The following CCDC91 variants were observed in gnomAD, a reference collection of about 807,000 sequenced individuals.
The protein encoded by CCDC91 is coiled-coil domain-containing protein 91.
Under a neutral mutation model 63.2 loss-of-function variants are expected in CCDC91, and 48 were observed. The observed-to-expected ratio is 0.76, with a 90% CI of 0.60 to 0.97. The LOEUF is 0.97. Ranked by LOEUF, CCDC91 falls within the 50% of genes least tolerant of loss-of-function variation. The pLI, the probability that CCDC91 is intolerant of heterozygous loss-of-function variation, is 0.00. For missense variants in CCDC91, 500 were observed against 494.6 expected, an observed-to-expected ratio of 1.01 and a Z score of -0.10; for synonymous variants, 167 against 165.8, an observed-to-expected ratio of 1.01 and a Z score of -0.06.
intron 8 of CCDC91, among the ~76,000 whole-genome samples, chr12:28,431,454 A>C (rs1320463950): frequency 6.6e-6 from 1 of 152,110 alleles, no homozygotes; most frequent in Non-Finnish European, 1.5e-5. Context: ...GTTATTTTGT[A>C]GTGATGTCTA....
At chr12:28,461,645 T>G (rs1592739133) in intron 11 of CCDC91, among the ~76,000 whole-genome samples, 1 of 152,162 alleles carries the variant, frequency 6.6e-6, no homozygotes, top group South Asian at 2.1e-4. Context: ...ACCTGACCAT[T>G]TTGTTAACTT....
chr12:28,375,916 A>G (rs947336629), intron 7 of CCDC91, among the ~76,000 whole-genome samples: 4 of 151,898 alleles, frequency 2.6e-5, no homozygotes, highest in Admixed American at 6.6e-5. Context: ...GAACTGTATT[A>G]GCATGATCCT....
chr12:28,443,028 C>T (rs1210882667), intron 8 of CCDC91, among the ~76,000 whole-genome samples: 4 of 151,828 alleles, frequency 2.6e-5, no homozygotes, highest in Admixed American at 6.6e-5. Flanking sequence ...TATGTTATGA[C>T]GGCTCACAGC....
chr12:28,409,559 A>C (rs1947186886), intron 8 of CCDC91, among the ~76,000 whole-genome samples: 1 of 152,002 alleles, frequency 6.6e-6, no homozygotes, highest in Non-Finnish European at 1.5e-5. Flanking sequence ...ATTTCTTCTG[A>C]AACCTTTATT....
chr12:28,342,430 A>C (rs1942496450), intron 6 of CCDC91, among the ~76,000 whole-genome samples: 1 of 152,190 alleles, frequency 6.6e-6, no homozygotes, highest in African/African-American at 2.4e-5. Flanking sequence ...GTTGTGGCAT[A>C]GTGGTGGGGA....
intron 3 of CCDC91, among the ~76,000 whole-genome samples, chr12:28,297,807 G>C (rs1414582188): frequency 2.0e-5 from 3 of 151,768 alleles, no homozygotes; most frequent in Admixed American, 2.0e-4. Flanking sequence ...TTGACTAAGT[G>C]AGAAGATATT....
At chr12:28,507,566 C>T (rs887581178) in intron 12 of CCDC91, among the ~76,000 whole-genome samples, 1 of 151,962 alleles carries the variant, frequency 6.6e-6, no homozygotes, top group Non-Finnish European at 1.5e-5. Context: ...GTTGTCTTTT[C>T]TTCCTTTCCT....
chr12:28,407,251 T>C (rs1592580001), intron 8 of CCDC91, among the ~76,000 whole-genome samples: 1 of 152,286 alleles, frequency 6.6e-6, no homozygotes, highest in Non-Finnish European at 1.5e-5. Context: ...CCACTTTTCT[T>C]ATACATTATC....
intron 1 of CCDC91, among the ~76,000 whole-genome samples, chr12:28,222,355 T>C (rs1944004356): frequency 6.6e-6 from 1 of 152,160 alleles, no homozygotes; most frequent in Non-Finnish European, 1.5e-5. Flanking sequence ...TGGTGATATG[T>C]AGGAAGTATA....
chr12:28,196,630 T>G (rs970979919), intron 1 of CCDC91, among the ~76,000 whole-genome samples: 3 of 152,254 alleles, frequency 2.0e-5, no homozygotes, highest in African/African-American at 7.2e-5. Context: ...TCTCTTTAAC[T>G]CCTGCTTAGA....
intron 6 of CCDC91, among the ~76,000 whole-genome samples, chr12:28,313,570 A>G (rs982915177): frequency 6.6e-6 from 1 of 152,062 alleles, no homozygotes; most frequent in Non-Finnish European, 1.5e-5. Context: ...CCTTTAAACA[A>G]ACTTTTAAAA....
chr12:28,199,462 A>G (rs1049379851), intron 1 of CCDC91, among the ~76,000 whole-genome samples: 2 of 152,064 alleles, frequency 1.3e-5, no homozygotes, highest in African/African-American at 4.8e-5. Flanking sequence ...TTTCAATCAC[A>G]TAGGAGAAAA....
At chr12:28,267,807 A>T (rs1199598679) in intron 3 of CCDC91, among the ~76,000 whole-genome samples, 10 of 14,876 alleles carry the variant, frequency 6.7e-4, no homozygotes, top group Non-Finnish European at 7.7e-4. Flanking sequence ...ATTATATAGT[A>T]ATATATAATT....
At chr12:28,540,928 G>A (rs1316206958) in intron 12 of CCDC91, among the ~76,000 whole-genome samples, 2 of 152,032 alleles carry the variant, frequency 1.3e-5, no homozygotes, top group African/African-American at 4.8e-5. Flanking sequence ...ATATTTTGAG[G>A]CCTCTCAACA....
intron 10 of CCDC91, among the ~76,000 whole-genome samples, chr12:28,450,697 T>C (rs1338530027): frequency 1.3e-5 from 2 of 151,794 alleles, no homozygotes; most frequent in South Asian, 2.1e-4. Flanking sequence ...CTGCTATTTG[T>C]TGCATCTAAT....
intron 3 of CCDC91, among the ~76,000 whole-genome samples, chr12:28,277,859 A>G (rs1310150339): frequency 9.2e-5 from 14 of 151,956 alleles, no homozygotes; most frequent in Non-Finnish European, 1.8e-4. Flanking sequence ...TCTCTCTTTC[A>G]AGGGCCTTTG....
At chr12:28,514,785 A>T (rs541628155) in intron 12 of CCDC91, among the ~76,000 whole-genome samples, 1 of 151,846 alleles carries the variant, frequency 6.6e-6, no homozygotes, top group South Asian at 2.1e-4. Context: ...TTTGCCAAAG[A>T]TCAGATGGTT....
At chr12:28,197,848 G>T (rs995025686) in intron 1 of CCDC91, among the ~76,000 whole-genome samples, 2 of 151,910 alleles carry the variant, frequency 1.3e-5, no homozygotes, top group African/African-American at 4.8e-5. Flanking sequence ...ATTATTGTTG[G>T]CTATATGCCA....
chr12:28,432,970 G>A (rs1342095900), intron 8 of CCDC91, among the ~76,000 whole-genome samples: 3 of 152,034 alleles, frequency 2.0e-5, no homozygotes, highest in African/African-American at 2.4e-5. Flanking sequence ...TATGGGAAAT[G>A]TGATGTGAAA....
Sources: allele counts gnomAD v4.1 joint callset (sites outside exome capture counted in the v4.1 genomes callset), GRCh38; gene constraint gnomAD v4.1.1; transcripts MANE v1.5; gene names NCBI Gene and HGNC (gene_info 2026-07-23, HGNC 2026-07-21).